The following RERE variants were observed in gnomAD, a reference collection of about 807,000 sequenced individuals.
RERE encodes the protein arginine-glutamic acid dipeptide repeats.
Under a neutral mutation model 146.1 loss-of-function variants are expected in RERE, and 40 were observed. The ratio of observed to expected loss-of-function variants is 0.27; its 90% CI spans 0.21 to 0.36. The LOEUF (loss-of-function observed/expected upper bound fraction) is 0.36, where lower values mean the gene tolerates loss of function less well. Among genes scored for constraint, RERE ranks in the 10% least tolerant of loss-of-function variants. RERE has a pLI of 1.00. For synonymous variants in RERE, 1,003 were observed against 866.0 expected, an observed-to-expected ratio of 1.16 and a Z score of -2.78; for missense variants, 1,933 against 2,138.7, an observed-to-expected ratio of 0.90 and a Z score of 1.90.
intron 1 of RERE, among the ~76,000 whole-genome samples, chr1:8,732,142 T>C (rs1416249156): frequency 5.9e-5 from 9 of 152,142 alleles, no homozygotes; most frequent in Admixed American, 5.9e-4. Context: ...AATCCCACAA[T>C]CGTGCCCCTA....
At chr1:8,666,394 TG>T (rs1638574121) in intron 1 of RERE, among the ~76,000 whole-genome samples, 2 of 152,346 alleles carry the variant, frequency 1.3e-5, no homozygotes, top group African/African-American at 2.4e-5. Flanking sequence ...AGTCCACGTG[TG>T]GAAGACCTAC....
Position 8,360,555 on chromosome 1 carries a change from G to T in RERE, c.2952C>A (p.His984Gln), listed in dbSNP as rs565894522. The T allele has an allele frequency of 1.1e-5, 9 of 836,422 alleles. No individual in the cohort carries two copies. Among genetic ancestry groups the T allele is most frequent in the East Asian group, 7.3e-5 (1 of 13,744 alleles). The allele number at this position is 836,422 out of a possible 1,614,324, so 51.8% of individuals were successfully genotyped here. A position where few individuals can be genotyped will look rare whatever the true frequency, so the allele number is the denominator to read the frequency against. Reference protein sequence around the residue: ...SLSTHHPPSAHPPPLQLMPQS... With the variant: ...SLSTHHPPSAQPPPLQLMPQS... Reference sequence around the variant, plus strand: ...GAGGCATGAGTTGCAGGGGTGGGGGGTGAGCCGACGGGGGGTGATGTGTGG... The same window carrying T: ...GAGGCATGAGTTGCAGGGGTGGGGGTTGAGCCGACGGGGGGTGATGTGTGG... The change falls in exon 18 of 23, where the codon CAC becomes CAA. Residue 984 changes from histidine (H) to glutamine (Q), a missense_variant. His to Gln is a conservative substitution (Grantham distance 24). Around this residue, in one of 11 missense-constraint regions of RERE, gnomAD observed 1,255 missense variants for 1,153.8 expected, o/e 1.09. Coordinates refer to ENST00000400908, the MANE Select transcript of RERE (RefSeq NM_001042681.2).
At chr1:8,458,394 ATTACTCCCC>A (rs1392888776) in intron 11 of RERE, among the ~76,000 whole-genome samples, 2 of 152,146 alleles carry the variant, frequency 1.3e-5, no homozygotes, top group East Asian at 1.9e-4. Flanking sequence ...GACTCCCCCC[ATTACTCCCC>A]TTACTCCCCG....
At chr1:8,784,546 G>A (rs1013204099) in intron 1 of RERE, among the ~76,000 whole-genome samples, 4 of 151,974 alleles carry the variant, frequency 2.6e-5, no homozygotes, top group Non-Finnish European at 2.9e-5. Context: ...ATAAACACAC[G>A]CTGAATAAAT....
chr1:8,491,691 C>T (rs781067198), intron 10 of RERE, among the ~76,000 whole-genome samples: 5 of 152,068 alleles, frequency 3.3e-5, no homozygotes, highest in African/African-American at 7.2e-5. Context: ...AAAAATGAAA[C>T]GATTTATTTA....
At chr1:8,371,723 C>T (rs1049844225) in intron 12 of RERE, among the ~76,000 whole-genome samples, 2 of 152,218 alleles carry the variant, frequency 1.3e-5, no homozygotes, top group African/African-American at 2.4e-5. Context: ...GAGCTCCCTC[C>T]GCCGCCTGGG....
intron 7 of RERE, among the ~76,000 whole-genome samples, chr1:8,513,471 C>T (rs529709498): frequency 6.6e-6 from 1 of 152,242 alleles, no homozygotes; most frequent in African/African-American, 2.4e-5. Context: ...AGTGATGTAA[C>T]TAGAAAAGGG....
At chr1:8,604,606 GAGGGAGGGAGGGAGGGAGGA>G (rs1290149216) in intron 4 of RERE, among the ~76,000 whole-genome samples, 3 of 88,124 alleles carry the variant, frequency 3.4e-5, no homozygotes, top group South Asian at 4.6e-4. Context: ...GGAAGGGAGG[GAGGGAGGGAGGGAGGGAGGA>G]AGGAAGGAAG....
rs1337506728 is a variant in RERE at position 8,817,457 on chromosome 1, G to A, written c.-442C>T. On this transcript the variant is annotated 5_prime_UTR_variant, in exon 1 of 23. Coordinates refer to ENST00000400908, the MANE Select transcript of RERE (RefSeq NM_001042681.2). ...GGCGAGGGGGCTCCCTGAGGATGAT[G>A]GTGATTTTTTTTTTTTTTTAATCCT... is the stretch of plus-strand genomic sequence containing the variant. The A allele has an allele frequency of 1.1e-5, 1 of 93,838 alleles. No homozygotes were observed. Among genetic ancestry groups the A allele is most frequent in the South Asian group, 3.2e-4 (1 of 3,104 alleles). 5.8% of individuals were successfully genotyped at this position (93,838 alleles called of 1,614,324 possible). A position where few individuals can be genotyped will look rare whatever the true frequency, so the allele number is the denominator to read the frequency against.
chr1:8,642,347 G>T (rs540374501), intron 2 of RERE, among the ~76,000 whole-genome samples: 32 of 152,200 alleles, frequency 2.1e-4, no homozygotes, highest in African/African-American at 7.2e-4. Context: ...CCAGCAGTGG[G>T]GTACTAGATT....
chr1:8,762,635 A>G (rs1006566219), intron 1 of RERE, among the ~76,000 whole-genome samples: 8 of 152,164 alleles, frequency 5.3e-5, no homozygotes, highest in Non-Finnish European at 1.2e-4. Context: ...AACATTTCCT[A>G]GGGCCTCAGC....
chr1:8,625,792 G>T (rs143949349), intron 2 of RERE, among the ~76,000 whole-genome samples: 2,604 of 152,310 alleles, frequency 0.017, 37 homozygotes, highest in Non-Finnish European at 0.028. Context: ...CAACTAAGAT[G>T]ATCAGGAAGA....
At chr1:8,789,075 A>G (rs1026611358) in intron 1 of RERE, among the ~76,000 whole-genome samples, 5 of 151,642 alleles carry the variant, frequency 3.3e-5, no homozygotes, top group Non-Finnish European at 4.4e-5. Flanking sequence ...AGAATATGTG[A>G]ACTATTATTT....
intron 1 of RERE, among the ~76,000 whole-genome samples, chr1:8,657,934 T>C (rs1185186924): frequency 1.3e-5 from 2 of 152,224 alleles, no homozygotes; most frequent in African/African-American, 2.4e-5. Flanking sequence ...AAGTGGTTTT[T>C]ACAGTCTTCC....
At chr1:8,403,971 C>T (rs1001936168) in intron 12 of RERE, among the ~76,000 whole-genome samples, 7 of 151,328 alleles carry the variant, frequency 4.6e-5, no homozygotes, top group Non-Finnish European at 7.4e-5. Context: ...GCTGGGATTA[C>T]AGGCACGCGT....
At chr1:8,692,645 G>A (rs746970844) in intron 1 of RERE, among the ~76,000 whole-genome samples, 13 of 151,940 alleles carry the variant, frequency 8.6e-5, no homozygotes, top group Middle Eastern at 3.2e-3. Context: ...CACCGTATTC[G>A]GCCCGGTATA....
At position 8,472,072 on chromosome 1, in the gene RERE, A is replaced by G. The variant is rs551887095; in HGVS notation, c.1105-6049T>C. Among the ~76,000 whole-genome samples, 24 of 152,214 alleles carry G rather than the reference A, an allele frequency of 1.6e-4. 1 individual carries two copies. Among genetic ancestry groups the G allele is most frequent in the Admixed American group, 9.8e-4 (15 of 15,292 alleles). The stretch of plus-strand genomic sequence containing the variant: ...GGTGATCTGCCCACCTCGGCTTCCC[A>G]AAGTGTTGGGATTACAGGCATGAGT... On this transcript the variant is annotated intron_variant, in intron 10 of 22. Coordinates refer to ENST00000400908, the MANE Select transcript of RERE (RefSeq NM_001042681.2).
intron 1 of RERE, among the ~76,000 whole-genome samples, chr1:8,771,133 G>C (rs1469044173): frequency 6.6e-6 from 1 of 151,940 alleles, no homozygotes; most frequent in Non-Finnish European, 1.5e-5. Context: ...TGCTGGGGGG[G>C]GAAAATGTAA....
At chr1:8,753,499 G>T (rs547292860) in intron 1 of RERE, 1 of 151,794 alleles carries the variant, frequency 6.6e-6, no homozygotes. Context: ...TCTATTTGAC[G>T]GATTTTAAAA....
Sources: gnomAD v4.1 joint callset for allele counts (sites outside exome capture counted in the v4.1 genomes callset) on GRCh38, gnomAD v4.1.1 for gene constraint, gnomAD v4.1.1 regional missense constraint, MANE v1.5 for transcripts, NCBI Gene and HGNC (gene_info 2026-07-23, HGNC 2026-07-21) for gene names.